The following ZFAND3 variants were observed in gnomAD, a reference collection of about 807,000 sequenced individuals.
ZFAND3 encodes the protein AN1-type zinc finger protein 3.
A neutral mutation model predicts 29.6 loss-of-function variants in ZFAND3; 10 were observed. The observed-to-expected ratio is 0.34, with a 90% CI of 0.21 to 0.57. The LOEUF is 0.57. Among genes scored for constraint, ZFAND3 ranks in the 20% least tolerant of loss-of-function variants. ZFAND3 has a pLI of 0.86. For missense variants in ZFAND3, 230 were observed against 304.5 expected (o/e 0.76, Z 1.82); for synonymous variants, 128 against 112.6 (o/e 1.14, Z -0.87).
chr6:37,834,322 T>C (rs557440956), intron 1 of ZFAND3, among the ~76,000 whole-genome samples: 2 of 152,344 alleles, frequency 1.3e-5, no homozygotes, highest in African/African-American at 4.8e-5. Context: ...CCATGTCTTT[T>C]CATGGCTTGC....
At chr6:38,072,886 C>G (rs893405576) in intron 3 of ZFAND3, among the ~76,000 whole-genome samples, 2 of 152,158 alleles carry the variant, frequency 1.3e-5, no homozygotes, top group African/African-American at 2.4e-5. Flanking sequence ...TAAGATGGCA[C>G]CTTAGTGAGG....
chr6:38,006,177 T>C (rs1763045479), intron 2 of ZFAND3, among the ~76,000 whole-genome samples: 1 of 152,190 alleles, frequency 6.6e-6, no homozygotes, highest in Non-Finnish European at 1.5e-5. Flanking sequence ...TGACATGCAG[T>C]ATACAATTTA....
At chr6:37,886,553 T>C (rs1029533632) in intron 1 of ZFAND3, among the ~76,000 whole-genome samples, 9 of 152,182 alleles carry the variant, frequency 5.9e-5, no homozygotes, top group Non-Finnish European at 1.0e-4. Flanking sequence ...TGCAGTCATA[T>C]CATGGAAAGG....
Position 38,038,139 on chromosome 6 carries a change from C to T in ZFAND3, c.113-23454C>T, listed in dbSNP as rs139834165. Among the ~76,000 whole-genome samples the T allele has an allele frequency of 3.9e-5, 6 of 152,310 alleles. No individual in the cohort carries two copies. The East Asian group carries it at 1.2e-3, about 29-fold the overall frequency. ...AAGTCAGTCTTCAAGGATTAATCAG[C>T]TGGCCCGAGGCCTCTAGTCTTTCAC... On this transcript the variant is annotated intron_variant, in intron 2 of 5. Transcript: ENST00000287218.
chr6:38,043,619 G>A (rs7740636), intron 2 of ZFAND3, among the ~76,000 whole-genome samples: 11,471 of 120,860 alleles, frequency 0.095, 588 homozygotes, highest in African/African-American at 0.17. Flanking sequence ...TCCCTCTCCC[G>A]CTCTTCCCCT....
At chr6:38,080,265 C>G (rs897849966) in intron 3 of ZFAND3, among the ~76,000 whole-genome samples, 3 of 151,602 alleles carry the variant, frequency 2.0e-5, no homozygotes, top group African/African-American at 7.3e-5. Flanking sequence ...TGTAACAAAC[C>G]TGCACATTCT....
At chr6:37,825,488 G>A (rs968639796) in intron 1 of ZFAND3, among the ~76,000 whole-genome samples, 3 of 151,906 alleles carry the variant, frequency 2.0e-5, no homozygotes, top group Admixed American at 6.5e-5. Context: ...TAGGAAACTC[G>A]TCCCTTTGAT....
At chr6:37,916,362 T>G (rs1761254418) in intron 1 of ZFAND3, among the ~76,000 whole-genome samples, 1 of 151,974 alleles carries the variant, frequency 6.6e-6, no homozygotes, top group Non-Finnish European at 1.5e-5. Flanking sequence ...TGTAGTGCTA[T>G]AAAACCAGGT....
intron 1 of ZFAND3, among the ~76,000 whole-genome samples, chr6:37,925,391 A>G (rs1023073107): frequency 3.9e-5 from 6 of 152,146 alleles, no homozygotes; most frequent in Non-Finnish European, 8.8e-5. Flanking sequence ...CTGTAAGACT[A>G]CAGGAAGGAC....
intron 4 of ZFAND3, among the ~76,000 whole-genome samples, chr6:38,091,552 T>C (rs949490604): frequency 6.8e-6 from 1 of 146,830 alleles, no homozygotes; most frequent in Non-Finnish European, 1.5e-5. Context: ...CTCCATAGCA[T>C]GTGTGTGCCT....
At chr6:37,823,801 T>TG (rs377295323) in intron 1 of ZFAND3, among the ~76,000 whole-genome samples, 100 of 150,158 alleles carry the variant, frequency 6.7e-4, no homozygotes, top group Middle Eastern at 3.4e-3. Context: ...TATTTTTTTT[T>TG]GGGGGGGGGT....
At chr6:37,958,932 G>T (rs1260284522) in intron 2 of ZFAND3, among the ~76,000 whole-genome samples, 1 of 152,152 alleles carries the variant, frequency 6.6e-6, no homozygotes, top group African/African-American at 2.4e-5. Flanking sequence ...TTAGTCAAAA[G>T]TACAAAAATG....
intron 1 of ZFAND3, among the ~76,000 whole-genome samples, chr6:37,882,272 G>C (rs547731264): frequency 6.6e-6 from 1 of 152,240 alleles, no homozygotes; most frequent in East Asian, 1.9e-4. Flanking sequence ...TTGTCAGTAT[G>C]AGGTAGACCA....
chr6:37,935,314 G>T (rs1761678564), intron 2 of ZFAND3, among the ~76,000 whole-genome samples: 1 of 151,892 alleles, frequency 6.6e-6, no homozygotes, highest in Non-Finnish European at 1.5e-5. Context: ...GCCTAATTTT[G>T]GCTTTTCTTA....
At position 38,106,671 on chromosome 6, in the gene ZFAND3, C is replaced by T. The variant is rs150124741; in HGVS notation, c.362-9901C>T. Among the ~76,000 whole-genome samples the T allele has an allele frequency of 4.4e-3, 671 of 151,998 alleles. 7 individuals are homozygous for T. Among genetic ancestry groups the T allele is most frequent in the African/African-American group, 0.015 (637 of 41,346 alleles). On this transcript the variant is annotated intron_variant, in intron 4 of 5. Transcript: ENST00000287218. ...ACTCCCCTCATACCACTTAGTATGG[C>T]GCTAGTTGTTTGTGTGTGTGTGTGT...
At chr6:38,034,215 G>C (rs758993495) in intron 2 of ZFAND3, among the ~76,000 whole-genome samples, 1 of 152,154 alleles carries the variant, frequency 6.6e-6, no homozygotes, top group Non-Finnish European at 1.5e-5. Flanking sequence ...GGGCAAACTA[G>C]TCTCTTCCTT....
At chr6:37,992,587 A>T (rs937522214) in intron 2 of ZFAND3, among the ~76,000 whole-genome samples, 9 of 152,090 alleles carry the variant, frequency 5.9e-5, no homozygotes, top group African/African-American at 2.2e-4. Flanking sequence ...TCTTCAGCTT[A>T]TTCTCCCCAA....
intron 2 of ZFAND3, among the ~76,000 whole-genome samples, chr6:38,052,882 A>G (rs2127460630): frequency 6.6e-6 from 1 of 152,132 alleles, no homozygotes; most frequent in African/African-American, 2.4e-5. Context: ...TACTAAAAAC[A>G]CAAAACTTAG....
At chr6:37,839,462 G>T (rs962526879) in intron 1 of ZFAND3, among the ~76,000 whole-genome samples, 40 of 150,302 alleles carry the variant, frequency 2.7e-4, no homozygotes, top group Non-Finnish European at 5.9e-4. Context: ...GATAACAGGC[G>T]TGAGCCACCG....
Sources: gnomAD v4.1 joint callset for allele counts (sites outside exome capture counted in the v4.1 genomes callset) on GRCh38, gnomAD v4.1.1 for gene constraint, MANE v1.5 for transcripts, NCBI Gene and HGNC (gene_info 2026-07-23, HGNC 2026-07-21) for gene names.